ITPR3: variants seen among roughly 807,000 people sequenced by gnomAD.
ITPR3 encodes the protein inositol 1,4,5-trisphosphate receptor type 3.
A neutral mutation model predicts 293.2 loss-of-function variants in ITPR3; 173 were observed. That is an observed-to-expected ratio of 0.59 (90% CI 0.52 to 0.67). The LOEUF (loss-of-function observed/expected upper bound fraction) is 0.67. Ranked by LOEUF, ITPR3 falls within the 30% of genes least tolerant of loss-of-function variation. The pLI is 0.00. For synonymous variants in ITPR3, 1,295 were observed against 1,444.4 expected, an observed-to-expected ratio of 0.90 and a Z score of 2.35; for missense variants, 2,796 against 3,592.1, an observed-to-expected ratio of 0.78 and a Z score of 5.66.
chr6:33,633,964 T>G lies in ITPR3; in HGVS notation c.90-6520T>G, dbSNP rs560478915. ...AGGTCGCGGCCTCGCCCGGTGAGGC[T>G]CCCTCTCCATGCAAACTTGCCTAAC... On this transcript the variant is annotated intron_variant, in intron 1 of 57. Coordinates refer to ENST00000605930, the MANE Select transcript of ITPR3 (RefSeq NM_002224.4). The surrounding 1 kb of genome is among the most constrained non-coding windows in gnomAD (Gnocchi z 5.2). Among the ~76,000 whole-genome samples the G allele has an allele frequency of 2.3e-4, 35 of 152,066 alleles. No individual in the cohort carries two copies. The highest frequency in any genetic ancestry group is 8.4e-4 in the African/African-American group (35 of 41,496).
rs746963244 is a variant in ITPR3 at position 33,678,562 on chromosome 6, G to A, written c.3771+19G>A. The stretch of plus-strand genomic sequence containing the variant: ...GCCAGGGGTGAGGGTGCAGGGCTGG[G>A]AGCACCTGGACGAGGCGGGGGATGG... On this transcript the variant is annotated intron_variant, in intron 29 of 57. Coordinates refer to ENST00000605930, the MANE Select transcript of ITPR3 (RefSeq NM_002224.4). The A allele has an allele frequency of 6.6e-7, 1 of 1,522,498 alleles. No individual in the cohort carries two copies. Among genetic ancestry groups the A allele is most frequent in the Non-Finnish European group, 8.9e-7 (1 of 1,118,646 alleles). 94.3% of individuals were successfully genotyped at this position (1,522,498 alleles called of 1,614,324 possible).
chr6:33,688,279 C>G lies in ITPR3; in HGVS notation c.6416C>G (p.Pro2139Arg). Reference protein sequence around the residue: ...QDRSMEQIVFPVPGICQFLTE... With the variant: ...QDRSMEQIVFRVPGICQFLTE... ...CGCAGCATGGAGCAGATCGTGTTCC[C>G]AGTGCCCGGCATCTGCCAGTTCCTG... is the stretch of plus-strand genomic sequence containing the variant. The change falls in exon 48 of 58, where the codon CCA becomes CGA. Residue 2139 changes from proline to arginine, a missense_variant. This residue lies in a region of ITPR3 where 568 missense variants were observed against 796.1 expected (regional missense o/e 0.71). Coordinates refer to ENST00000605930, the MANE Select transcript of ITPR3 (RefSeq NM_002224.4). 6.2e-7 allele frequency: 1 copy of G among 1,614,194 alleles called. No homozygotes were observed. Among genetic ancestry groups the G allele is most frequent in the Non-Finnish European group, 8.5e-7 (1 of 1,180,022 alleles).
At chr6:33,641,503 GC>G (rs1763950503) in intron 2 of ITPR3, among the ~76,000 whole-genome samples, 1 of 152,172 alleles carries the variant, frequency 6.6e-6, no homozygotes, top group Non-Finnish European at 1.5e-5. Flanking sequence ...CTGCAGAGGG[GC>G]CCCCTGTCTG....
Position 33,676,812 on chromosome 6 carries a change from G to A in ITPR3, c.3327G>A (p.Val1109=), listed in dbSNP as rs146338194. ...CGCAGGACGTGGAGAACTACAAGGT[G>A]ATCAAGTCGGAGCTGGACCGGCTGC... The part of the protein sequence containing the change: ...ISAQDVENYK[V]IKSELDRLRT... Residue 1109 remains valine, a synonymous_variant, in exon 26 of 58, where the codon GTG becomes GTA. Transcript: ENST00000605930. 917 of 1,614,214 alleles carry A rather than the reference G, an allele frequency of 5.7e-4. No individual in the cohort carries two copies. The highest frequency in any genetic ancestry group is 7.1e-4 in the Non-Finnish European group (834 of 1,180,022).
At chr6:33,688,034 C>T (rs1765283678) in intron 46 of ITPR3, 23 bp from the exon 47 acceptor site, 2 of 1,596,814 alleles carry the variant, frequency 1.3e-6, no homozygotes, top group Non-Finnish European at 1.7e-6. Context: ...GGGGCCTGAC[C>T]TCCGCGCCCT....
chr6:33,629,214 TAC>T lies in ITPR3; in HGVS notation c.89+7525_89+7526del, dbSNP rs1491569127. On this transcript the variant is annotated intron_variant, in intron 1 of 57. Transcript: ENST00000605930. ...TTTGCTGAAGTATTTTATGATAAAT[TAC>T]ATACATTGCATCTTTTTCACCTCTA... 1.3e-4 allele frequency among the ~76,000 whole-genome samples: 5 copies of T among 38,916 alleles called. No homozygotes were observed. The East Asian group carries it at 7.7e-3, about 60-fold the overall frequency. 25.5% of individuals were successfully genotyped at this position (38,916 alleles called of 152,430 possible).
In ITPR3 at chr6:33,672,927, G is replaced by A. The variant is rs1764807817; in HGVS notation, c.2929-664G>A. 6.6e-6 allele frequency among the ~76,000 whole-genome samples: 1 copy of A among 152,168 alleles called. No homozygotes were observed. Among genetic ancestry groups the A allele is most frequent in the South Asian group, 2.1e-4 (1 of 4,824 alleles). On this transcript the variant is annotated intron_variant, in intron 22 of 57. Transcript: ENST00000605930. This position sits in a 1 kb window ranked among gnomAD's most constrained non-coding sequence, Gnocchi z 5.0. ...CTCATCCCCGAGGAGGGATGAGGAT[G>A]CTTGCTTTTGCCTTGCTGTCACCGG...
rs202088438 is a variant in ITPR3 at position 33,677,683 on chromosome 6, G to A, written c.3648+54G>A. ...CCAGGGTGGCTTCCCCCTGAACCCC[G>A]GCCTGACCTGTATGCTAGGCCCTAA... On this transcript the variant is annotated intron_variant, in intron 28 of 57. Coordinates refer to ENST00000605930, the MANE Select transcript of ITPR3 (RefSeq NM_002224.4). 5,030 of 1,593,684 alleles carry A rather than the reference G, an allele frequency of 3.2e-3. 15 individuals are homozygous for A. Among genetic ancestry groups the A allele is most frequent in the Middle Eastern group, 8.4e-3 (50 of 5,960 alleles).
intron 29 of ITPR3, 25 bp downstream of exon 29, chr6:33,678,568 C>G: frequency 7.4e-7 from 1 of 1,347,004 alleles, no homozygotes. Context: ...CTGGGAGCAC[C>G]TGGACGAGGC....
rs1257960071 is a variant in ITPR3, at chr6:33,692,739, C to T, written c.7470C>T (p.Phe2490=). The T allele has an allele frequency of 1.5e-5, 24 of 1,613,952 alleles. No homozygotes were observed. The highest frequency in any genetic ancestry group is 3.3e-4 in the Middle Eastern group (2 of 6,084). The change falls in exon 55 of 58, where the codon TTC becomes TTT. Residue 2490 remains phenylalanine (F), a synonymous_variant. Transcript: ENST00000605930. This position sits in a 1 kb window ranked among gnomAD's most constrained non-coding sequence, Gnocchi z 4.2. ...CTCATCCCCTGCAGGAGTCTCTCTTCCCAGCCCGAGTGGTCTATGACCTCC... is the reference window on the plus strand; with the variant it reads ...CTCATCCCCTGCAGGAGTCTCTCTTTCCAGCCCGAGTGGTCTATGACCTCC... The part of the protein sequence containing the change: ...LRKPSKDESL[F]PARVVYDLLF...
chr6:33,670,229 T>G lies in ITPR3; in HGVS notation c.2190-96T>G, dbSNP rs1027565804. 12 of 1,343,492 alleles carry G rather than the reference T, an allele frequency of 8.9e-6. No individual in the cohort carries two copies. The highest frequency in any genetic ancestry group is 1.3e-5 in the Non-Finnish European group (12 of 955,134). The allele number at this position is 1,343,492 out of a possible 1,614,324, so 83.2% of individuals were successfully genotyped here. ...TGGCGCATCTTTAACCTAATCCCTT[T>G]GCCACTTTACTGAGTCCTCACCAAG... On this transcript the variant is annotated intron_variant, in intron 18 of 57. Coordinates refer to ENST00000605930, the MANE Select transcript of ITPR3 (RefSeq NM_002224.4). The surrounding 1 kb of genome is among the most constrained non-coding windows in gnomAD (Gnocchi z 6.7).
chr6:33,655,977 G>A lies in ITPR3; in HGVS notation c.282+90G>A. The A allele has an allele frequency of 6.5e-7, 1 of 1,535,784 alleles. No homozygotes were observed. The highest frequency in any genetic ancestry group is 8.9e-7 in the Non-Finnish European group (1 of 1,123,660). On this transcript the variant is annotated intron_variant, in intron 3 of 57. Coordinates refer to ENST00000605930, the MANE Select transcript of ITPR3 (RefSeq NM_002224.4). The surrounding 1 kb of genome is among the most constrained non-coding windows in gnomAD (Gnocchi z 4.9). The stretch of plus-strand genomic sequence containing the variant: ...GGTGCTGCTTGTCGGAGCCAGTAGG[G>A]GCTCTGTGGCTGAGCTGAGTGGTTT...
rs780749153 is a variant in ITPR3, at chr6:33,682,651, G to A, written c.4597+7G>A. On this transcript the variant is annotated splice_region_variant and intron_variant, in intron 34 of 57. Transcript: ENST00000605930. This position sits in a 1 kb window ranked among gnomAD's most constrained non-coding sequence, Gnocchi z 5.4. Reference sequence around the variant, plus strand: ...CGGACCCTCGCCATGGTGGGTGAGTGTGCCGGGGCACTGGCCAGCCCCAAA... The same window carrying A: ...CGGACCCTCGCCATGGTGGGTGAGTATGCCGGGGCACTGGCCAGCCCCAAA... 1.4e-5 allele frequency: 22 copies of A among 1,593,180 alleles called. No homozygotes were observed. The highest frequency in any genetic ancestry group is 1.8e-5 in the Admixed American group (1 of 56,752).
In ITPR3 at chr6:33,695,882, C is replaced by A; in HGVS notation, c.*102C>A. On this transcript the variant is annotated 3_prime_UTR_variant, in exon 58 of 58. Transcript: ENST00000605930. ...CGGGTTGGGTGGCCCAGCCAGCTGG[C>A]CAGCCTCCACTCCCACTCTGCCAGA... 1 of 1,098,518 alleles carries A rather than the reference C, an allele frequency of 9.1e-7. No individual in the cohort carries two copies. The highest frequency in any genetic ancestry group is 1.4e-6 in the Non-Finnish European group (1 of 733,384). The allele number at this position is 1,098,518 out of a possible 1,614,324, so 68.0% of individuals were successfully genotyped here.
Position 33,691,568 on chromosome 6 carries a change from A to T in ITPR3, c.7226-47A>T, listed in dbSNP as rs1241096285. 6.6e-7 allele frequency: 1 copy of T among 1,508,094 alleles called. No individual in the cohort carries two copies. The highest frequency in any genetic ancestry group is 9.2e-7 in the Non-Finnish European group (1 of 1,087,066). 93.4% of individuals were successfully genotyped at this position (1,508,094 alleles called of 1,614,324 possible). A position where few individuals can be genotyped will look rare whatever the true frequency, so the allele number is the denominator to read the frequency against. ...ACACTGGGGACAGAGCCAGGGGATA[A>T]GGCCAGGCACTGGACCTCCTGATGA... On this transcript the variant is annotated intron_variant, in intron 52 of 57. Transcript: ENST00000605930. The surrounding 1 kb of genome is among the most constrained non-coding windows in gnomAD (Gnocchi z 4.9).
intron 11 of ITPR3, 86 bp downstream of exon 11, chr6:33,663,966 C>T (rs1311068481): frequency 3.3e-6 from 5 of 1,510,474 alleles, no homozygotes; most frequent in African/African-American, 1.4e-5. Flanking sequence ...ATCCCCCACT[C>T]CTCCGCCCTC....
At chr6:33,680,920 AC>A (rs368348131) in intron 33 of ITPR3, among the ~76,000 whole-genome samples, 2,527 of 148,332 alleles carry the variant, frequency 0.017, 75 homozygotes, top group African/African-American at 0.056. Context: ...TCCTGGGTTC[AC>A]GCCATTCTCC....
intron 1 of ITPR3, among the ~76,000 whole-genome samples, chr6:33,636,023 A>G (rs1466406874): frequency 6.7e-6 from 1 of 150,338 alleles, no homozygotes; most frequent in Non-Finnish European, 1.5e-5. Flanking sequence ...TCGGTGGCTC[A>G]CGCCTGGAAT....
Position 33,675,093 on chromosome 6 carries a change from T to TC in ITPR3, c.3117-593dup, listed in dbSNP as rs1333742768. On this transcript the variant is annotated intron_variant, in intron 24 of 57. Transcript: ENST00000605930. This position sits in a 1 kb window ranked among gnomAD's most constrained non-coding sequence, Gnocchi z 5.0. ...CATGGGCCCCGCTTCTATCCATGAA[T>TC]CCCCCGCATGGTGGCAGTGGGATCT... 1.3e-5 allele frequency among the ~76,000 whole-genome samples: 2 copies of TC among 152,150 alleles called. No individual in the cohort carries two copies. Among genetic ancestry groups the TC allele is most frequent in the African/African-American group, 2.4e-5 (1 of 41,440 alleles).
Sources: gnomAD v4.1 joint callset for allele counts (sites outside exome capture counted in the v4.1 genomes callset) on GRCh38, gnomAD v4.1.1 for gene constraint, gnomAD v4.1.1 regional missense constraint, Gnocchi (gnomAD v3.1) non-coding constraint, MANE v1.5 for transcripts, NCBI Gene and HGNC (gene_info 2026-07-23, HGNC 2026-07-21) for gene names.